Variants in NWD2 observed in about 807,000 individuals in gnomAD.
The protein encoded by NWD2 is NACHT and WD repeat domain-containing protein 2.
In NWD2, 37 loss-of-function variants were observed where a neutral mutation model predicts 132.7. The observed-to-expected ratio is 0.28, with a 90% CI of 0.21 to 0.37. NWD2 has a LOEUF of 0.37. Among genes scored for constraint, NWD2 ranks in the 10% least tolerant of loss-of-function variants. The pLI, the probability that NWD2 is intolerant of heterozygous loss-of-function variation, is 1.00. For synonymous variants in NWD2, 705 were observed against 803.0 expected, an observed-to-expected ratio of 0.88 and a Z score of 2.06; for missense variants, 1,592 against 2,122.4, an observed-to-expected ratio of 0.75 and a Z score of 4.91.
intron 1 of NWD2, among the ~76,000 whole-genome samples, chr4:37,310,063 A>AG (rs1718799357): frequency 6.6e-6 from 1 of 152,194 alleles, no homozygotes; most frequent in Admixed American, 6.5e-5. Context: ...CTGTTAGAAA[A>AG]AAAATCCCAT....
rs1712705588 is a variant in NWD2, at chr4:37,448,631, G to C, written c.*1414G>C. The C allele has an allele frequency of 6.6e-6, 1 of 152,136 alleles. No individual in the cohort carries two copies. The highest frequency in any genetic ancestry group is 6.5e-5 in the Admixed American group (1 of 15,268). 9.4% of individuals were successfully genotyped at this position (152,136 alleles called of 1,614,324 possible). ...GAGTTTAGTTTTCTTAGAAAGTAGA[G>C]AAGTAACACTTTACTAGAATAATGA... is the stretch of plus-strand genomic sequence containing the variant. On this transcript the variant is annotated 3_prime_UTR_variant, in exon 7 of 7. Transcript: ENST00000309447.
chr4:37,381,193 G>T (rs1412226433), intron 3 of NWD2, among the ~76,000 whole-genome samples: 2 of 152,126 alleles, frequency 1.3e-5, no homozygotes, highest in Non-Finnish European at 2.9e-5. Flanking sequence ...AGCTAGCATG[G>T]ATTTGAGCAG....
chr4:37,390,714 A>G (rs748419550), intron 3 of NWD2, among the ~76,000 whole-genome samples: 1 of 152,226 alleles, frequency 6.6e-6, no homozygotes, highest in African/African-American at 2.4e-5. Flanking sequence ...AGTTTTGTGC[A>G]TGAGAGAACT....
intron 1 of NWD2, among the ~76,000 whole-genome samples, chr4:37,283,972 G>A (rs1353222789): frequency 6.6e-6 from 1 of 152,142 alleles, no homozygotes. Flanking sequence ...AACATTTTAT[G>A]TAAATTCCTT....
At chr4:37,284,209 A>G (rs1718181863) in intron 1 of NWD2, among the ~76,000 whole-genome samples, 2 of 152,152 alleles carry the variant, frequency 1.3e-5, no homozygotes, top group South Asian at 4.1e-4. Flanking sequence ...TCTGGTTCGT[A>G]GGTGGCACAT....
intron 1 of NWD2, among the ~76,000 whole-genome samples, chr4:37,316,215 G>A (rs1032487696): frequency 1.5e-4 from 23 of 152,026 alleles, no homozygotes; most frequent in African/African-American, 5.1e-4. Flanking sequence ...ATTTGGTGAT[G>A]TAAGTATTTT....
Position 37,438,973 on chromosome 4 carries a change from A to G in NWD2, c.879A>G (p.Glu293=). ...GTEPRIIRDP[E]AQEKLIKLRD... is the part of the protein sequence containing the mutation. ...AACCGAGGATTATTCGGGACCCAGA[A>G]GCCCAAGAGAAGCTGATAAAACTCA... The change falls in exon 6 of 7, where the codon GAA becomes GAG. Residue 293 remains glutamate (E), a synonymous_variant. Coordinates refer to ENST00000309447, the MANE Select transcript of NWD2 (RefSeq NM_001144990.2). 6.4e-7 allele frequency: 1 copy of G among 1,552,022 alleles called. No homozygotes were observed. The highest frequency in any genetic ancestry group is 2.0e-5 in the Admixed American group (1 of 51,006).
At chr4:37,429,750 CA>C (rs1712118496) in intron 3 of NWD2, among the ~76,000 whole-genome samples, 1 of 152,216 alleles carries the variant, frequency 6.6e-6, no homozygotes, top group Non-Finnish European at 1.5e-5. Context: ...GGTTATTACA[CA>C]ATTCTTTCAA....
chr4:37,260,681 C>T (rs1223268607), intron 1 of NWD2, among the ~76,000 whole-genome samples: 5 of 152,130 alleles, frequency 3.3e-5, no homozygotes, highest in Non-Finnish European at 5.9e-5. Context: ...CCCCACTGTT[C>T]CTTATTCAAA....
At chr4:37,318,016 CTTTCTT>C (rs1560393435) in intron 1 of NWD2, among the ~76,000 whole-genome samples, 5,111 of 130,828 alleles carry the variant, frequency 0.039, 144 homozygotes, top group African/African-American at 0.12. Flanking sequence ...TTTCTTTTTT[CTTTCTT>C]TTTTTTTTTT....
At chr4:37,322,117 C>T (rs942494036) in intron 1 of NWD2, among the ~76,000 whole-genome samples, 3 of 152,154 alleles carry the variant, frequency 2.0e-5, no homozygotes, top group African/African-American at 7.2e-5. Context: ...ATTTTTGTCA[C>T]TGGCGCATGT....
chr4:37,397,932 G>A (rs900138791), intron 3 of NWD2, among the ~76,000 whole-genome samples: 10 of 152,224 alleles, frequency 6.6e-5, no homozygotes, highest in Admixed American at 3.9e-4. Context: ...TTTGGTGGAA[G>A]CCTATCTTCC....
intron 1 of NWD2, among the ~76,000 whole-genome samples, chr4:37,295,181 AG>A (rs1718449059): frequency 6.6e-6 from 1 of 151,996 alleles, no homozygotes. Context: ...CTTTCAGCTT[AG>A]TTTTTTTTTT....
intron 1 of NWD2, among the ~76,000 whole-genome samples, chr4:37,324,088 A>G (rs1231508148): frequency 1.3e-5 from 2 of 152,068 alleles, no homozygotes; most frequent in Non-Finnish European, 2.9e-5. Flanking sequence ...ATCAAGTACT[A>G]TGCTCACTAC....
At chr4:37,414,212 G>A (rs550638573) in intron 3 of NWD2, among the ~76,000 whole-genome samples, 2 of 152,260 alleles carry the variant, frequency 1.3e-5, no homozygotes, top group East Asian at 3.9e-4. Flanking sequence ...AAAAATTCAT[G>A]ATGAAGGAAT....
intron 2 of NWD2, among the ~76,000 whole-genome samples, chr4:37,339,549 A>G (rs1307730820): frequency 5.3e-5 from 8 of 152,182 alleles, no homozygotes. Context: ...AAAATTACCC[A>G]AGAGGATTGA....
intron 1 of NWD2, among the ~76,000 whole-genome samples, chr4:37,316,210 G>A (rs1486076667): frequency 1.3e-5 from 2 of 151,900 alleles, no homozygotes; most frequent in African/African-American, 2.4e-5. Context: ...TTCAAATTTG[G>A]TGATGTAAGT....
At chr4:37,430,543 C>T in intron 3 of NWD2, 29 bp from the exon 4 acceptor site, 1 of 1,504,888 alleles carries the variant, frequency 6.6e-7, no homozygotes. Context: ...TGGTGATACA[C>T]TAAATTGAAC....
intron 1 of NWD2, among the ~76,000 whole-genome samples, chr4:37,252,705 AT>A (rs1201486895): frequency 6.6e-6 from 1 of 152,162 alleles, no homozygotes; most frequent in African/African-American, 2.4e-5. Context: ...GTTCTCCTCC[AT>A]GAGGGTATTC....
Sources: gnomAD v4.1 joint callset for allele counts (sites outside exome capture counted in the v4.1 genomes callset) on GRCh38, gnomAD v4.1.1 for gene constraint, MANE v1.5 for transcripts, NCBI Gene and HGNC (gene_info 2026-07-23, HGNC 2026-07-21) for gene names.